ARHGEF7: variants seen among roughly 807,000 people sequenced by gnomAD.
ARHGEF7 encodes the protein PAK-interacting exchange factor beta.
A neutral mutation model predicts 109.8 loss-of-function variants in ARHGEF7; 33 were observed. The observed-to-expected ratio is 0.30, with a 90% CI of 0.23 to 0.40. The LOEUF (loss-of-function observed/expected upper bound fraction) is 0.40, where lower values mean the gene tolerates loss of function less well. Ranked by LOEUF, ARHGEF7 falls within the 10% of genes least tolerant of loss-of-function variation. The pLI is 1.00. For synonymous variants in ARHGEF7, 458 were observed against 424.6 expected, an observed-to-expected ratio of 1.08 and a Z score of -0.97; for missense variants, 938 against 1,098.5, an observed-to-expected ratio of 0.85 and a Z score of 2.07.
chr13:111,261,344 T>C (rs2091071229), intron 8 of ARHGEF7, among the ~76,000 whole-genome samples: 1 of 152,082 alleles, frequency 6.6e-6, no homozygotes, highest in African/African-American at 2.4e-5. Flanking sequence ...ACAAAATAGA[T>C]TTCAAGACAA....
chr13:111,264,805 G>T (rs764517643), intron 8 of ARHGEF7, among the ~76,000 whole-genome samples: 1 of 152,124 alleles, frequency 6.6e-6, no homozygotes, highest in South Asian at 2.1e-4. Context: ...GAACGTGTGT[G>T]GGATATTTTT....
At chr13:111,124,952 G>A (rs990640105) in intron 1 of ARHGEF7, among the ~76,000 whole-genome samples, 4 of 152,234 alleles carry the variant, frequency 2.6e-5, no homozygotes, top group African/African-American at 9.6e-5. Context: ...TAGAGACAGG[G>A]TTTCACCATG....
At position 111,241,201 on chromosome 13, in the gene ARHGEF7, C is replaced by T. The variant is rs1176151953; in HGVS notation, c.760-2671C>T. On this transcript the variant is annotated intron_variant, in intron 6 of 21. Transcript: ENST00000646102. ...TCAGCACTGTGGGTCGTAAAAGCTG[C>T]CTTTTCTTTGAAAACTGCCTGCGTC... is the stretch of plus-strand genomic sequence containing the variant. The T allele has an allele frequency of 5.2e-6, 8 of 1,536,090 alleles. No individual in the cohort carries two copies. In the Admixed American group the frequency reaches 5.9e-5, roughly 11 times the overall value.
At chr13:111,252,325 A>T (rs1228597576) in intron 8 of ARHGEF7, among the ~76,000 whole-genome samples, 1 of 152,220 alleles carries the variant, frequency 6.6e-6, no homozygotes, top group East Asian at 1.9e-4. Flanking sequence ...GCCTGCCTCT[A>T]GTTAAGATAA....
chr13:111,283,735 C>A (rs2092898645), intron 16 of ARHGEF7, among the ~76,000 whole-genome samples: 1 of 152,204 alleles, frequency 6.6e-6, no homozygotes, highest in African/African-American at 2.4e-5. Flanking sequence ...GTCTAACGAC[C>A]CCTCCTCTAG....
At chr13:111,284,725 C>T (rs560337184) in intron 16 of ARHGEF7, among the ~76,000 whole-genome samples, 27 of 152,314 alleles carry the variant, frequency 1.8e-4, no homozygotes, top group Admixed American at 1.6e-3. Flanking sequence ...TGCTGAGCAC[C>T]GCCCAGCAGT....
At chr13:111,134,746 C>A (rs1096481) in intron 1 of ARHGEF7, among the ~76,000 whole-genome samples, 2 of 151,744 alleles carry the variant, frequency 1.3e-5, no homozygotes, top group Non-Finnish European at 2.9e-5. Context: ...TGTAGGTTGC[C>A]TGTTCACTCT....
chr13:111,271,128 C>T (rs999301519), intron 9 of ARHGEF7, among the ~76,000 whole-genome samples: 3 of 152,144 alleles, frequency 2.0e-5, no homozygotes, highest in Non-Finnish European at 4.4e-5. Flanking sequence ...GTAGGTCTGC[C>T]CCACCCAGTG....
Position 111,153,927 on chromosome 13 carries a change from A to G in ARHGEF7, c.188A>G (p.Glu63Gly). The G allele has an allele frequency of 6.2e-7, 1 of 1,605,484 alleles. No individual in the cohort carries two copies. The highest frequency in any genetic ancestry group is 2.3e-5 in the East Asian group (1 of 43,560). Residue 63 changes from glutamate to glycine, a missense_variant, in exon 2 of 22, where the codon GAG becomes GGG. This residue lies in a region of ARHGEF7 where 165 missense variants were observed against 125.8 expected (regional missense o/e 1.31). Coordinates refer to ENST00000646102, the MANE Select transcript of ARHGEF7 (RefSeq NM_001354046.2). ...CAGGTCTACCCCGAGCCCCGGAGCG[A>G]GAGCGAGTGCCTGAGCAACATCCGC... The part of the protein sequence containing the change: ...IEKVYPEPRS[E>G]SECLSNIREF...
intron 6 of ARHGEF7, 142 bp downstream of exon 6, chr13:111,233,435 T>C (rs1186019360): frequency 1.4e-6 from 1 of 693,422 alleles, no homozygotes; most frequent in Non-Finnish European, 2.5e-6. Context: ...TAACCACCAT[T>C]AAGGTTTTGG....
intron 10 of ARHGEF7, among the ~76,000 whole-genome samples, chr13:111,274,498 A>C (rs1432713127): frequency 6.6e-6 from 1 of 152,184 alleles, no homozygotes; most frequent in East Asian, 1.9e-4. Context: ...TTGATGAAGC[A>C]AGTGTTGGCT....
At position 111,285,688 on chromosome 13, in the gene ARHGEF7, A is replaced by G. The variant is rs565633875; in HGVS notation, c.1951-459A>G. 2.6e-5 allele frequency among the ~76,000 whole-genome samples: 4 copies of G among 152,120 alleles called. No homozygotes were observed. The South Asian group carries it at 8.3e-4, about 32-fold the overall frequency. The stretch of plus-strand genomic sequence containing the variant: ...CCCTGAAACTTCAAATATTTTCTTA[A>G]AGCAATTATTTTTTACTTATCTGTC... On this transcript the variant is annotated intron_variant, in intron 16 of 21. Transcript: ENST00000646102.
At chr13:111,279,164 A>G (rs2092650459) in intron 13 of ARHGEF7, among the ~76,000 whole-genome samples, 1 of 152,210 alleles carries the variant, frequency 6.6e-6, no homozygotes, top group Non-Finnish European at 1.5e-5. Context: ...ACTTATATGC[A>G]TTACGAATCT....
chr13:111,129,256 C>A (rs2074613568), intron 1 of ARHGEF7, among the ~76,000 whole-genome samples: 1 of 151,996 alleles, frequency 6.6e-6, no homozygotes, highest in African/African-American at 2.4e-5. Context: ...CTAAAAAACT[C>A]CTAGAAGAAA....
At chr13:111,180,323 C>T (rs1464373934) in intron 2 of ARHGEF7, among the ~76,000 whole-genome samples, 1 of 152,216 alleles carries the variant, frequency 6.6e-6, no homozygotes, top group Non-Finnish European at 1.5e-5. Flanking sequence ...CAGTCTTTGA[C>T]TCAGACTGAA....
intron 16 of ARHGEF7, among the ~76,000 whole-genome samples, chr13:111,284,984 C>T (rs916410855): frequency 2.6e-5 from 4 of 152,236 alleles, no homozygotes; most frequent in African/African-American, 9.6e-5. Flanking sequence ...CAGATTGCTG[C>T]TGCATTTCTA....
At chr13:111,189,313 G>A (rs752095946) in intron 2 of ARHGEF7, among the ~76,000 whole-genome samples, 1 of 152,206 alleles carries the variant, frequency 6.6e-6, no homozygotes, top group South Asian at 2.1e-4. Flanking sequence ...TAAAGATGGT[G>A]TGTCTGGAGT....
At chr13:111,167,667 C>T (rs2077235157) in intron 2 of ARHGEF7, among the ~76,000 whole-genome samples, 2 of 152,318 alleles carry the variant, frequency 1.3e-5, no homozygotes, top group South Asian at 4.1e-4. Context: ...CAGAGTGTTA[C>T]AGGCACACGT....
chr13:111,142,455 A>T (rs1038926666), intron 1 of ARHGEF7, among the ~76,000 whole-genome samples: 3 of 152,284 alleles, frequency 2.0e-5, no homozygotes, highest in Admixed American at 2.0e-4. Flanking sequence ...CATCTTATTC[A>T]CAACTATGGC....
Sources: allele counts gnomAD v4.1 joint callset (sites outside exome capture counted in the v4.1 genomes callset), GRCh38; gene constraint gnomAD v4.1.1; regional missense constraint gnomAD v4.1.1; transcripts MANE v1.5; gene names NCBI Gene and HGNC (gene_info 2026-07-23, HGNC 2026-07-21).